The following PHLPP1 variants were observed in gnomAD, a reference collection of about 807,000 sequenced individuals.
The protein encoded by PHLPP1 is PH domain and leucine rich repeat protein phosphatase 1, also known as PH domain leucine-rich repeat-containing protein phosphatase 1.
A neutral mutation model predicts 117.2 loss-of-function variants in PHLPP1; 42 were observed. The observed-to-expected ratio is 0.36, with a 90% confidence interval of 0.28 to 0.46. PHLPP1 has a LOEUF of 0.46. Ranked by LOEUF, PHLPP1 falls within the 20% of genes least tolerant of loss-of-function variation. The pLI is 1.00. For synonymous variants in PHLPP1, 1,042 were observed against 970.7 expected, an observed-to-expected ratio of 1.07 and a Z score of -1.37; for missense variants, 2,084 against 2,241.9, an observed-to-expected ratio of 0.93 and a Z score of 1.42.
At chr18:62,919,512 T>G (rs1425381789) in intron 9 of PHLPP1, among the ~76,000 whole-genome samples, 1 of 152,216 alleles carries the variant, frequency 6.6e-6, no homozygotes, top group Non-Finnish European at 1.5e-5. Context: ...CAGTGGACAT[T>G]TGTAAAAGTT....
At chr18:62,833,765 A>G (rs1407982722) in intron 2 of PHLPP1, among the ~76,000 whole-genome samples, 6 of 152,196 alleles carry the variant, frequency 3.9e-5, no homozygotes, top group Admixed American at 6.5e-5. Context: ...CACAATTTTC[A>G]TAATTCCTTA....
chr18:62,938,716 T>C (rs565800154), intron 10 of PHLPP1, among the ~76,000 whole-genome samples: 2 of 152,288 alleles, frequency 1.3e-5, no homozygotes, highest in African/African-American at 4.8e-5. Context: ...AGGTATATAG[T>C]TCCTTAATTA....
chr18:62,815,472 A>T (rs1914246709), intron 1 of PHLPP1, among the ~76,000 whole-genome samples: 1 of 152,058 alleles, frequency 6.6e-6, no homozygotes, highest in African/African-American at 2.4e-5. Context: ...GATGTTTCTA[A>T]TATGGCCTGC....
At chr18:62,947,393 G>A (rs1435802002) in intron 12 of PHLPP1, among the ~76,000 whole-genome samples, 1 of 152,126 alleles carries the variant, frequency 6.6e-6, no homozygotes, top group East Asian at 1.9e-4. Flanking sequence ...AACTATTTTG[G>A]CTGAAGCTCA....
At chr18:62,754,392 G>A (rs1305874017) in intron 1 of PHLPP1, among the ~76,000 whole-genome samples, 1 of 152,336 alleles carries the variant, frequency 6.6e-6, no homozygotes, top group South Asian at 2.1e-4. Context: ...AGGTGTAGAG[G>A]CTGCAGTCTT....
At position 62,975,477 on chromosome 18, in the gene PHLPP1, G is replaced by A; in HGVS notation, c.3836G>A (p.Gly1279Glu). The A allele has an allele frequency of 6.2e-7, 1 of 1,613,908 alleles. No homozygotes were observed. Reference protein sequence around the residue: ...HIKHDPVDPGGSFTLTSANVG... With the variant: ...HIKHDPVDPGESFTLTSANVG... ...AAGCATGACCCTGTGGATCCAGGAG[G>A]ATCCTTCACCTTGACCTCTGCTAAT... The change falls in exon 16 of 17, where the codon GGA (glycine) becomes GAA (glutamate). Residue 1279 changes from glycine to glutamate, a missense_variant. Physicochemically the swap from Gly to Glu is moderately conservative, Grantham distance 98. Around this residue, in one of 2 missense-constraint regions of PHLPP1, gnomAD observed 1,365 missense variants for 1,605.9 expected, o/e 0.85. Coordinates refer to ENST00000262719, the MANE Select transcript of PHLPP1 (RefSeq NM_194449.4).
intron 12 of PHLPP1, among the ~76,000 whole-genome samples, chr18:62,947,211 A>G (rs573050830): frequency 1.3e-5 from 2 of 152,384 alleles, no homozygotes; most frequent in Admixed American, 6.5e-5. Context: ...ATGTTAAAGA[A>G]AGAAAAGAAT....
Position 62,715,745 on chromosome 18 carries a change from C to T in PHLPP1, c.62C>T (p.Ala21Val). 8.3e-7 allele frequency: 1 copy of T among 1,209,612 alleles called. No homozygotes were observed. Among genetic ancestry groups the T allele is most frequent in the Non-Finnish European group, 1.0e-6 (1 of 972,000 alleles). 74.9% of individuals were successfully genotyped at this position (1,209,612 alleles called of 1,614,324 possible). A position where few individuals can be genotyped will look rare whatever the true frequency, so the allele number is the denominator to read the frequency against. The part of the protein sequence containing the change: ...RLPELGREDR[A>V]SAPAAAAAAA... ...CCCGAGCTCGGCAGGGAGGACCGAGCTTCGGCTCCGGCGGCCGCCGCTGCG... is the reference window on the plus strand; with the variant it reads ...CCCGAGCTCGGCAGGGAGGACCGAGTTTCGGCTCCGGCGGCCGCCGCTGCG... The change falls in exon 1 of 17, where the codon GCT (alanine) becomes GTT (valine). Residue 21 changes from alanine (A) to valine (V), a missense_variant. Transcript: ENST00000262719.
intron 1 of PHLPP1, among the ~76,000 whole-genome samples, chr18:62,819,898 C>G (rs1349431642): frequency 6.6e-6 from 1 of 152,210 alleles, no homozygotes; most frequent in African/African-American, 2.4e-5. Flanking sequence ...ATCCACCCAC[C>G]TTGGCCTCCC....
At position 62,895,069 on chromosome 18, in the gene PHLPP1, G is replaced by T; in HGVS notation, c.2125G>T (p.Ala709Ser). ...SNNHLGDFPL[A>S]VCSIPTLAEL... ...TAATCATTTAGGGGACTTCCCACTG[G>T]CAGTCTGCAGTATTCCAACCCTGGC... The change falls in exon 5 of 17, where the codon GCA becomes TCA. Residue 709 changes from alanine to serine, a missense_variant. Ala to Ser is a moderately conservative substitution (Grantham distance 99, BLOSUM62 1). Around this residue, in one of 2 missense-constraint regions of PHLPP1, gnomAD observed 1,365 missense variants for 1,605.9 expected, o/e 0.85. Transcript: ENST00000262719. 1 of 1,613,260 alleles carries T rather than the reference G, an allele frequency of 6.2e-7. No homozygotes were observed.
chr18:62,865,938 C>T (rs77464300), intron 4 of PHLPP1, among the ~76,000 whole-genome samples: 5,066 of 152,142 alleles, frequency 0.033, 259 homozygotes, highest in African/African-American at 0.11. Flanking sequence ...AGATACTAGG[C>T]GTAGTACCTG....
intron 8 of PHLPP1, 105 bp from the exon 9 acceptor site, chr18:62,914,808 T>A: frequency 1.3e-6 from 1 of 744,212 alleles, no homozygotes; most frequent in Non-Finnish European, 2.3e-6. Context: ...CCCTTGGTAC[T>A]TTGGTATTTT....
intron 1 of PHLPP1, among the ~76,000 whole-genome samples, chr18:62,723,374 T>A (rs1326379172): frequency 6.6e-6 from 1 of 151,934 alleles, no homozygotes; most frequent in Non-Finnish European, 1.5e-5. Flanking sequence ...TGATGAAATT[T>A]GAAATATTTG....
intron 12 of PHLPP1, among the ~76,000 whole-genome samples, chr18:62,948,989 A>G (rs1375755869): frequency 6.6e-6 from 1 of 152,172 alleles, no homozygotes; most frequent in Non-Finnish European, 1.5e-5. Flanking sequence ...ATGTAAACTA[A>G]GCATATTTTT....
chr18:62,727,041 A>G (rs1911093836), intron 1 of PHLPP1, among the ~76,000 whole-genome samples: 1 of 151,476 alleles, frequency 6.6e-6, no homozygotes, highest in African/African-American at 2.4e-5. Context: ...CAACCTGACC[A>G]ACATGGTGAA....
At chr18:62,865,762 T>G (rs940719161) in intron 4 of PHLPP1, among the ~76,000 whole-genome samples, 1 of 152,214 alleles carries the variant, frequency 6.6e-6, no homozygotes, top group African/African-American at 2.4e-5. Flanking sequence ...GCTGTTATCC[T>G]TAGCAAATTA....
Position 62,979,120 on chromosome 18 carries a change from G to A in PHLPP1, c.4843G>A (p.Val1615Ile), listed in dbSNP as rs756241463. Residue 1615 changes from valine to isoleucine, a missense_variant, in exon 17 of 17, where the codon GTT becomes ATT. Val to Ile is a conservative substitution (Grantham distance 29, BLOSUM62 3). Transcript: ENST00000262719. Reference sequence around the variant, plus strand: ...GCCCAGGAAGGCAGACTTCTCTGCCGTTGGGACCATTGGGCGCCGGAGGGC... The same window carrying A: ...GCCCAGGAAGGCAGACTTCTCTGCCATTGGGACCATTGGGCGCCGGAGGGC... ...GLPRKADFSA[V>I]GTIGRRRANG... 13 of 1,613,822 alleles carry A rather than the reference G, an allele frequency of 8.1e-6. No individual in the cohort carries two copies. The highest frequency in any genetic ancestry group is 6.7e-5 in the African/African-American group (5 of 74,928).
At chr18:62,970,737 C>T (rs536815014) in intron 14 of PHLPP1, among the ~76,000 whole-genome samples, 1 of 152,266 alleles carries the variant, frequency 6.6e-6, no homozygotes, top group Admixed American at 6.5e-5. Context: ...TGCACTCCAG[C>T]CTGTGTGACA....
intron 1 of PHLPP1, among the ~76,000 whole-genome samples, chr18:62,757,565 C>T (rs1912067546): frequency 6.6e-6 from 1 of 152,254 alleles, no homozygotes. Flanking sequence ...CTAACCTTCA[C>T]TCCTTTTCTG....
Sources: allele counts gnomAD v4.1 joint callset (sites outside exome capture counted in the v4.1 genomes callset), GRCh38; gene constraint gnomAD v4.1.1; regional missense constraint gnomAD v4.1.1; transcripts MANE v1.5; gene names NCBI Gene and HGNC (gene_info 2026-07-23, HGNC 2026-07-21).